Variants in MAPK10 observed in about 807,000 individuals in gnomAD.
MAPK10 encodes JNK3 alpha protein kinase.
MAPK10 carries 25 observed loss-of-function variants against 59.3 expected under a neutral mutation model. The observed-to-expected ratio is 0.42, with a 90% CI of 0.31 to 0.59. The LOEUF (loss-of-function observed/expected upper bound fraction) is 0.59. Among genes scored for constraint, MAPK10 ranks in the 20% least tolerant of loss-of-function variants. The pLI is 0.15. For synonymous variants in MAPK10, 190 were observed against 200.5 expected, an observed-to-expected ratio of 0.95 and a Z score of 0.44; for missense variants, 351 against 568.9, an observed-to-expected ratio of 0.62 and a Z score of 3.90.
At chr4:86,338,832 T>C (rs1462946466) in intron 2 of MAPK10, among the ~76,000 whole-genome samples, 1 of 142,718 alleles carries the variant, frequency 7.0e-6, no homozygotes, top group Non-Finnish European at 1.5e-5. Flanking sequence ...ACCAATCTTT[T>C]TCAAAGTTTT....
intron 2 of MAPK10, among the ~76,000 whole-genome samples, chr4:86,227,422 G>A (rs2090825100): frequency 6.6e-6 from 1 of 150,496 alleles, no homozygotes; most frequent in Admixed American, 6.6e-5. Flanking sequence ...GGGAGGTGGA[G>A]CTTGCAGTGA....
chr4:86,136,535 C>A (rs1341083493), intron 4 of MAPK10, among the ~76,000 whole-genome samples: 3 of 150,248 alleles, frequency 2.0e-5, no homozygotes, highest in South Asian at 2.1e-4. Flanking sequence ...CTGAAGGAAG[C>A]GCTAAACATG....
intron 11 of MAPK10, among the ~76,000 whole-genome samples, chr4:86,051,271 T>C (rs2148960280): frequency 6.6e-6 from 1 of 152,246 alleles, no homozygotes; most frequent in East Asian, 1.9e-4. Flanking sequence ...TTTAATAGAC[T>C]TGTAAAAAGG....
At chr4:86,465,132 A>T (rs1450081464) in intron 1 of MAPK10, among the ~76,000 whole-genome samples, 1 of 152,214 alleles carries the variant, frequency 6.6e-6, no homozygotes, top group Non-Finnish European at 1.5e-5. Context: ...AATGGATGTC[A>T]CACATGTTCC....
chr4:86,571,976 T>C (rs1027782140), intron 1 of MAPK10, among the ~76,000 whole-genome samples: 7 of 152,050 alleles, frequency 4.6e-5, no homozygotes, highest in Admixed American at 3.3e-4. Flanking sequence ...GAAGGAAAAA[T>C]TTTAAATTAT....
Position 86,013,176 on chromosome 4 carries a change from G to A in MAPK10, c.*4052C>T, listed in dbSNP as rs1431638145. 1 of 152,154 alleles carries A rather than the reference G, an allele frequency of 6.6e-6. No individual in the cohort carries two copies. The highest frequency in any genetic ancestry group is 2.4e-5 in the African/African-American group (1 of 41,446). 9.4% of individuals were successfully genotyped at this position (152,154 alleles called of 1,614,324 possible). ...CATTTTCAGATAGTTAAAGGACTAA[G>A]TACCAAAAGAAATAACAAAATCTTA... On this transcript the variant is annotated 3_prime_UTR_variant, in exon 14 of 14. Transcript: ENST00000641462.
intron 1 of MAPK10, among the ~76,000 whole-genome samples, chr4:86,407,278 T>C (rs955603615): frequency 1.3e-5 from 2 of 152,172 alleles, no homozygotes; most frequent in African/African-American, 4.8e-5. Flanking sequence ...CCCAACTTTG[T>C]TGAAAAGAAG....
At chr4:86,416,339 C>T (rs965977349) in intron 1 of MAPK10, among the ~76,000 whole-genome samples, 2 of 152,216 alleles carry the variant, frequency 1.3e-5, no homozygotes, top group Admixed American at 6.5e-5. Context: ...ATAAGCTCCC[C>T]GACTCTGGTA....
chr4:86,372,751 A>C (rs1739104713), intron 1 of MAPK10, among the ~76,000 whole-genome samples: 1 of 152,180 alleles, frequency 6.6e-6, no homozygotes, highest in Non-Finnish European at 1.5e-5. Flanking sequence ...TCTCTGGGAC[A>C]CAGCTAAAGC....
At chr4:86,206,131 C>G (rs950446935) in intron 2 of MAPK10, among the ~76,000 whole-genome samples, 4 of 151,804 alleles carry the variant, frequency 2.6e-5, no homozygotes, top group African/African-American at 9.7e-5. Context: ...TGCCATGCTG[C>G]TGTGCTGCAC....
chr4:86,263,081 CACTA>C lies in MAPK10; in HGVS notation c.-6-68678_-6-68675del, dbSNP rs376377549. ...AGCTTTTGTGATATGACCCTCTCCA[CACTA>C]ACTATCATCTCCAGGTTTCAGGAGT... On this transcript the variant is annotated intron_variant, in intron 2 of 13. Transcript: ENST00000641462. 9.2e-5 allele frequency among the ~76,000 whole-genome samples: 14 copies of C among 152,308 alleles called. No homozygotes were observed. In the East Asian group the frequency reaches 2.5e-3, roughly 27 times the overall value.
intron 2 of MAPK10, among the ~76,000 whole-genome samples, chr4:86,337,885 T>C (rs2869431): frequency 0.28 from 42,798 of 152,096 alleles, 6,096 homozygotes; most frequent in South Asian, 0.43. Flanking sequence ...GCTCTTACAA[T>C]ATACATTTGT....
chr4:86,219,721 G>A (rs927178110), intron 2 of MAPK10: 18 of 151,642 alleles, frequency 1.2e-4, no homozygotes, highest in Admixed American at 1.0e-3. Flanking sequence ...AGACAACTTT[G>A]AAGACTTTAA....
At chr4:86,571,206 G>C (rs957185206) in intron 1 of MAPK10, among the ~76,000 whole-genome samples, 1 of 146,936 alleles carries the variant, frequency 6.8e-6, no homozygotes, top group African/African-American at 2.5e-5. Context: ...TTAGTGATTG[G>C]AATCTGTAAA....
chr4:86,223,274 A>G (rs2090000296), intron 2 of MAPK10, among the ~76,000 whole-genome samples: 1 of 152,082 alleles, frequency 6.6e-6, no homozygotes, highest in Non-Finnish European at 1.5e-5. Context: ...GCTGGCATTC[A>G]CCCTAGTGCC....
chr4:86,576,371 T>C lies in MAPK10; in HGVS notation c.-263+17539A>G, dbSNP rs371933130. 7.9e-5 allele frequency among the ~76,000 whole-genome samples: 12 copies of C among 152,164 alleles called. No individual in the cohort carries two copies. In the East Asian group the frequency reaches 2.3e-3, roughly 29 times the overall value. On this transcript the variant is annotated intron_variant, in intron 1 of 4. Transcript: ENST00000502302. Reference sequence around the variant, plus strand: ...ATGGTAGCTCTACAAAGAACAGAGATACTAAACCGGGGTGGGGGTGTGGCA... The same window carrying C: ...ATGGTAGCTCTACAAAGAACAGAGACACTAAACCGGGGTGGGGGTGTGGCA...
Position 86,098,513 on chromosome 4 carries a change from T to A in MAPK10, c.802+11A>T. 1 of 1,611,402 alleles carries A rather than the reference T, an allele frequency of 6.2e-7. No individual in the cohort carries two copies. Among genetic ancestry groups the A allele is most frequent in the Admixed American group, 1.7e-5 (1 of 59,962 alleles). ...AAACAGGTAAAGCTGTAGCAAAAGG[T>A]ACAAGGATACAGTCCCTTCCTGGAA... On this transcript the variant is annotated intron_variant, in intron 9 of 13. Transcript: ENST00000641462.
chr4:86,093,270 C>A (rs2053586984), intron 9 of MAPK10, among the ~76,000 whole-genome samples: 2 of 151,926 alleles, frequency 1.3e-5, no homozygotes, highest in South Asian at 4.1e-4. Context: ...ACTCTTTTAT[C>A]ACAATTTCTG....
intron 4 of MAPK10, among the ~76,000 whole-genome samples, chr4:86,133,773 A>C (rs548195958): frequency 6.6e-6 from 1 of 152,324 alleles, no homozygotes; most frequent in East Asian, 1.9e-4. Context: ...ACCATGTGGT[A>C]AATAAGTTGA....
Sources: gnomAD v4.1 joint callset for allele counts (sites outside exome capture counted in the v4.1 genomes callset) on GRCh38, gnomAD v4.1.1 for gene constraint, MANE v1.5 for transcripts, NCBI Gene and HGNC (gene_info 2026-07-23, HGNC 2026-07-21) for gene names.